The following COLEC12 variants were observed in gnomAD, a reference collection of about 807,000 sequenced individuals.
COLEC12 encodes the protein collectin-12.
COLEC12 carries 33 observed loss-of-function variants against 71.1 expected under a neutral mutation model. The ratio of observed to expected loss-of-function variants is 0.46; its 90% confidence interval spans 0.35 to 0.62. The LOEUF is 0.62. Ranked by LOEUF, COLEC12 falls within the 20% of genes least tolerant of loss-of-function variation. COLEC12 has a pLI of 0.00. For missense variants in COLEC12, 765 were observed against 916.1 expected (o/e 0.84, Z 2.13); for synonymous variants, 350 against 353.0 (o/e 0.99, Z 0.10).
At chr18:488,394 G>C (rs2143785718) in intron 1 of COLEC12, among the ~76,000 whole-genome samples, 1 of 152,264 alleles carries the variant, frequency 6.6e-6, no homozygotes, top group Non-Finnish European at 1.5e-5. Flanking sequence ...CTGGGTGACA[G>C]AGCGTGACTC....
chr18:452,557 A>AT (rs1432881492), intron 2 of COLEC12, among the ~76,000 whole-genome samples: 2 of 152,172 alleles, frequency 1.3e-5, no homozygotes, highest in African/African-American at 4.8e-5. Flanking sequence ...ATCAAAGAGC[A>AT]TTTGGTTAAG....
At chr18:470,284 T>C (rs376883054) in intron 2 of COLEC12, among the ~76,000 whole-genome samples, 1 of 132,508 alleles carries the variant, frequency 7.5e-6, no homozygotes, top group African/African-American at 2.9e-5. Flanking sequence ...CAGGCTGGAG[T>C]GCAGTGGTGC....
intron 8 of COLEC12, among the ~76,000 whole-genome samples, chr18:323,951 C>T (rs1306497110): frequency 6.6e-6 from 1 of 152,072 alleles, no homozygotes; most frequent in Non-Finnish European, 1.5e-5. Flanking sequence ...TCTTTATCGC[C>T]TTTCTCCATT....
At chr18:456,400 T>C (rs1310364500) in intron 2 of COLEC12, among the ~76,000 whole-genome samples, 5 of 152,144 alleles carry the variant, frequency 3.3e-5, no homozygotes. Flanking sequence ...GAGCAACTTG[T>C]ACTCATAAAC....
rs1436732690 is a variant in COLEC12, at chr18:397,121, G to A, written c.59-39599C>T. Among the ~76,000 whole-genome samples, 5 of 152,198 alleles carry A rather than the reference G, an allele frequency of 3.3e-5. No homozygotes were observed. In the South Asian group the frequency reaches 6.2e-4, roughly 19 times the overall value. ...CTGTGTATCTATAGAAAGACAAGGAGATTTCCTGTCCTTCTGATTTGTACA... is the reference window on the plus strand; with the variant it reads ...CTGTGTATCTATAGAAAGACAAGGAAATTTCCTGTCCTTCTGATTTGTACA... On this transcript the variant is annotated intron_variant, in intron 2 of 9. Transcript: ENST00000400256.
At chr18:393,140 T>C (rs951537238) in intron 2 of COLEC12, among the ~76,000 whole-genome samples, 6 of 152,214 alleles carry the variant, frequency 3.9e-5, no homozygotes, top group Non-Finnish European at 5.9e-5. Flanking sequence ...TAGAGCTGCT[T>C]TTACTGAATT....
chr18:457,514 T>C (rs1313640166), intron 2 of COLEC12, among the ~76,000 whole-genome samples: 1 of 152,180 alleles, frequency 6.6e-6, no homozygotes. Context: ...ATCCCAAAAG[T>C]GGACCCAAAT....
chr18:453,280 G>T (rs1242999328), intron 2 of COLEC12, among the ~76,000 whole-genome samples: 1 of 152,220 alleles, frequency 6.6e-6, no homozygotes, highest in Non-Finnish European at 1.5e-5. Flanking sequence ...TCCTGGCCAG[G>T]TTGGGGATTT....
At chr18:326,615 T>C (rs1218057832) in intron 8 of COLEC12, among the ~76,000 whole-genome samples, 2 of 152,198 alleles carry the variant, frequency 1.3e-5, no homozygotes, top group Non-Finnish European at 2.9e-5. Flanking sequence ...CCCCAAAGTG[T>C]TGGGATTACA....
intron 2 of COLEC12, among the ~76,000 whole-genome samples, chr18:449,947 A>T (rs1916727378): frequency 6.6e-6 from 1 of 152,236 alleles, no homozygotes; most frequent in Non-Finnish European, 1.5e-5. Context: ...AACATTATTT[A>T]AAAAACAGCT....
intron 2 of COLEC12, among the ~76,000 whole-genome samples, chr18:369,939 T>A (rs1914964150): frequency 6.6e-6 from 1 of 152,092 alleles, no homozygotes; most frequent in Admixed American, 6.6e-5. Context: ...AGGAAAGGAT[T>A]ATGAAGAGCA....
rs1567926735 is a variant in COLEC12 at position 497,386 on chromosome 18, GTGTGTGTGTGTGT to G, written c.7+3109_7+3121del. On this transcript the variant is annotated intron_variant, in intron 1 of 9. Transcript: ENST00000400256. ...TTTCAATTTGGCTAAAGAATGGGGT[GTGTGTGTGTGTGT>G]GTGTGTGTGTGTGTGTGTGTGTTTG... is the stretch of plus-strand genomic sequence containing the variant. 5.8e-4 allele frequency among the ~76,000 whole-genome samples: 51 copies of G among 88,042 alleles called. No homozygotes were observed. In the Middle Eastern group the frequency reaches 0.022, roughly 38 times the overall value. The allele number at this position is 88,042 out of a possible 152,430, so 57.8% of individuals were successfully genotyped here.
chr18:459,869 C>T (rs1403737637), intron 2 of COLEC12, among the ~76,000 whole-genome samples: 1 of 152,190 alleles, frequency 6.6e-6, no homozygotes, highest in Non-Finnish European at 1.5e-5. Flanking sequence ...GTTCAACACA[C>T]ATATTAGCTA....
chr18:464,383 G>T (rs544017456), intron 2 of COLEC12, among the ~76,000 whole-genome samples: 2 of 152,268 alleles, frequency 1.3e-5, no homozygotes, highest in African/African-American at 4.8e-5. Context: ...TGAATGGGCC[G>T]CAGTCCATTT....
At chr18:336,598 G>C (rs141439227) in intron 5 of COLEC12, among the ~76,000 whole-genome samples, 3 of 152,068 alleles carry the variant, frequency 2.0e-5, no homozygotes, top group African/African-American at 7.2e-5. Context: ...TTGCCTGTGC[G>C]GTAGAATTCT....
At chr18:392,165 T>C (rs1179387311) in intron 2 of COLEC12, among the ~76,000 whole-genome samples, 1 of 152,170 alleles carries the variant, frequency 6.6e-6, no homozygotes, top group African/African-American at 2.4e-5. Context: ...TTTTCTAAGT[T>C]AACTGCAGAA....
intron 2 of COLEC12, among the ~76,000 whole-genome samples, chr18:458,155 C>T (rs1029426440): frequency 2.6e-5 from 4 of 152,134 alleles, no homozygotes; most frequent in African/African-American, 7.2e-5. Flanking sequence ...GATTTTGTCC[C>T]ATTTGCAGTT....
In COLEC12 at chr18:480,902, G is replaced by C. The variant is rs1917402688; in HGVS notation, c.8-145C>G. On this transcript the variant is annotated intron_variant, in intron 1 of 9. Transcript: ENST00000400256. This position sits in a 1 kb window ranked among gnomAD's most constrained non-coding sequence, Gnocchi z 4.1. ...GGATCGCACCAGGCTTTCTGGAAGAGGCGGCAGGGGTCTCCACCCTGGCTG... is the reference window on the plus strand; with the variant it reads ...GGATCGCACCAGGCTTTCTGGAAGACGCGGCAGGGGTCTCCACCCTGGCTG... The C allele has an allele frequency of 1.3e-5, 10 of 745,368 alleles. No individual in the cohort carries two copies. The South Asian group carries it at 1.5e-4, about 11-fold the overall frequency. 46.2% of individuals were successfully genotyped at this position (745,368 alleles called of 1,614,324 possible).
At chr18:338,297 T>C (rs17451296) in intron 5 of COLEC12, among the ~76,000 whole-genome samples, 34,683 of 152,226 alleles carry the variant, frequency 0.23, 4,164 homozygotes, top group South Asian at 0.31. Context: ...AGGGTCTGGC[T>C]CACAGTCACT....
Sources: gnomAD v4.1 joint callset for allele counts (sites outside exome capture counted in the v4.1 genomes callset) on GRCh38, gnomAD v4.1.1 for gene constraint, Gnocchi (gnomAD v3.1) non-coding constraint, MANE v1.5 for transcripts, NCBI Gene and HGNC (gene_info 2026-07-23, HGNC 2026-07-21) for gene names.